Variants in MACROD2 observed in about 807,000 individuals in gnomAD.
MACROD2 encodes the protein ADP-ribose glycohydrolase MACROD2.
In MACROD2, 36 loss-of-function variants were observed where a neutral mutation model predicts 70.4. The observed-to-expected ratio is 0.51, with a 90% CI of 0.39 to 0.68. The LOEUF (loss-of-function observed/expected upper bound fraction) is 0.68, where lower values mean the gene tolerates loss of function less well. Among genes scored for constraint, MACROD2 ranks in the 30% least tolerant of loss-of-function variants. The pLI is 0.00. For missense variants in MACROD2, 496 were observed against 538.4 expected (o/e 0.92, Z 0.78); for synonymous variants, 172 against 178.8 (o/e 0.96, Z 0.30).
At chr20:14,438,966 A>C (rs141887144) in intron 3 of MACROD2, among the ~76,000 whole-genome samples, 3 of 152,184 alleles carry the variant, frequency 2.0e-5, no homozygotes, top group African/African-American at 7.2e-5. Flanking sequence ...CATAATACAC[A>C]AGAAATAATT....
intron 3 of MACROD2, among the ~76,000 whole-genome samples, chr20:14,193,710 G>A (rs565207889): frequency 1.3e-5 from 2 of 152,178 alleles, no homozygotes; most frequent in South Asian, 4.1e-4. Context: ...AAGCAGGGTG[G>A]GAAAGAGAAA....
At chr20:14,365,270 T>C (rs976901605) in intron 3 of MACROD2, among the ~76,000 whole-genome samples, 5 of 152,042 alleles carry the variant, frequency 3.3e-5, no homozygotes, top group African/African-American at 9.7e-5. Context: ...TTATTTATAG[T>C]ATTCTCTTAT....
chr20:14,455,428 A>G (rs2084290634), intron 3 of MACROD2, among the ~76,000 whole-genome samples: 2 of 151,912 alleles, frequency 1.3e-5, no homozygotes, highest in South Asian at 4.1e-4. Context: ...AAAGAAAGAA[A>G]TACTCTCATC....
chr20:14,756,791 A>G (rs547040629), intron 5 of MACROD2, among the ~76,000 whole-genome samples: 1 of 152,308 alleles, frequency 6.6e-6, no homozygotes, highest in East Asian at 1.9e-4. Context: ...ATCACCTTAA[A>G]TTGTAATAAT....
chr20:14,215,339 C>T (rs867880917), intron 3 of MACROD2, among the ~76,000 whole-genome samples: 28 of 107,530 alleles, frequency 2.6e-4, no homozygotes, highest in Admixed American at 1.2e-3. Context: ...ATCATATATA[C>T]ACACACACAC....
At chr20:14,362,466 A>G (rs1175225874) in intron 3 of MACROD2, among the ~76,000 whole-genome samples, 2 of 152,204 alleles carry the variant, frequency 1.3e-5, no homozygotes, top group African/African-American at 2.4e-5. Flanking sequence ...TGAGTTCAAG[A>G]GTTCCCTCAG....
At chr20:15,549,675 G>A (rs1018809291) in intron 8 of MACROD2, among the ~76,000 whole-genome samples, 11 of 152,054 alleles carry the variant, frequency 7.2e-5, no homozygotes, top group Admixed American at 6.6e-4. Context: ...GTCCTAAAAG[G>A]AGCTCACTTT....
chr20:14,482,386 G>T (rs1314460276), intron 3 of MACROD2, among the ~76,000 whole-genome samples: 3 of 151,734 alleles, frequency 2.0e-5, no homozygotes, highest in African/African-American at 7.3e-5. Context: ...GAGAAATACA[G>T]AAACAGGGAT....
chr20:14,550,182 C>T (rs1423012409), intron 4 of MACROD2, among the ~76,000 whole-genome samples: 5 of 152,050 alleles, frequency 3.3e-5, no homozygotes, highest in Non-Finnish European at 5.9e-5. Flanking sequence ...CTCGGCTTCC[C>T]AAAGTGTTGG....
Position 15,313,494 on chromosome 20 carries a change from G to A in MACROD2, c.540+83433G>A, listed in dbSNP as rs367640838. Reference sequence around the variant, plus strand: ...TGCACTCCAGCCTGGGCGACAGAGCGAGACTCCGTCTCAAAAAAAAAAAAA... The same window carrying A: ...TGCACTCCAGCCTGGGCGACAGAGCAAGACTCCGTCTCAAAAAAAAAAAAA... On this transcript the variant is annotated intron_variant, in intron 6 of 17. Transcript: ENST00000684519. Among the ~76,000 whole-genome samples the A allele has an allele frequency of 7.4e-5, 10 of 135,614 alleles. No homozygotes were observed. The East Asian group carries it at 8.8e-4, about 12-fold the overall frequency. 89.0% of individuals were successfully genotyped at this position (135,614 alleles called of 152,430 possible).
intron 5 of MACROD2, among the ~76,000 whole-genome samples, chr20:15,045,140 G>T (rs1389611025): frequency 1.3e-5 from 2 of 152,060 alleles, no homozygotes; most frequent in Non-Finnish European, 2.9e-5. Context: ...AAAAAGAAAA[G>T]AAAAGAAAAG....
chr20:14,074,083 C>G (rs1357387371), intron 2 of MACROD2, among the ~76,000 whole-genome samples: 1 of 152,122 alleles, frequency 6.6e-6, no homozygotes, highest in Non-Finnish European at 1.5e-5. Flanking sequence ...TATGATCATA[C>G]TGGCCTACCT....
At chr20:14,674,564 A>G (rs1490355567) in intron 4 of MACROD2, among the ~76,000 whole-genome samples, 1 of 152,202 alleles carries the variant, frequency 6.6e-6, no homozygotes, top group African/African-American at 2.4e-5. Context: ...AAATGGTGGC[A>G]CTAGGATTCA....
intron 4 of MACROD2, among the ~76,000 whole-genome samples, chr20:14,525,692 A>G (rs930615478): frequency 1.6e-4 from 24 of 152,384 alleles, no homozygotes; most frequent in East Asian, 5.8e-4. Flanking sequence ...AGAGAGAAGC[A>G]GTGCCCTAAT....
intron 15 of MACROD2, among the ~76,000 whole-genome samples, chr20:15,998,909 T>G (rs1335449063): frequency 1.3e-5 from 2 of 152,156 alleles, no homozygotes; most frequent in East Asian, 3.8e-4. Flanking sequence ...TAAATTTTGT[T>G]AATTTTTTTT....
intron 8 of MACROD2, among the ~76,000 whole-genome samples, chr20:15,614,872 T>A (rs1183213240): frequency 2.0e-5 from 3 of 152,216 alleles, no homozygotes; most frequent in East Asian, 1.9e-4. Context: ...GAAAAAAAAA[T>A]TCCTGCCAGA....
chr20:14,174,665 G>A (rs573178486), intron 3 of MACROD2, among the ~76,000 whole-genome samples: 6 of 152,246 alleles, frequency 3.9e-5, no homozygotes, highest in East Asian at 1.9e-4. Context: ...GTCTATACAC[G>A]TGATTTGCCC....
At chr20:15,021,075 T>G (rs1403097937) in intron 5 of MACROD2, among the ~76,000 whole-genome samples, 22 of 135,706 alleles carry the variant, frequency 1.6e-4, no homozygotes, top group Non-Finnish European at 3.7e-4. Flanking sequence ...TACACATGTG[T>G]GTATGTGTAT....
rs568184623 is a variant in MACROD2, at chr20:15,153,913, C to T, written c.419-76027C>T. On this transcript the variant is annotated intron_variant, in intron 5 of 17. Transcript: ENST00000684519. ...TCCAGAAGGATTTTTTATACTTTGA[C>T]AGAATGTTCAAAGGATGTCCTCTTA... Among the ~76,000 whole-genome samples, 7 of 152,244 alleles carry T rather than the reference C, an allele frequency of 4.6e-5. No homozygotes were observed. The East Asian group carries it at 1.4e-3, about 29-fold the overall frequency.
Sources: allele counts gnomAD v4.1 joint callset (sites outside exome capture counted in the v4.1 genomes callset), GRCh38; gene constraint gnomAD v4.1.1; transcripts MANE v1.5; gene names NCBI Gene and HGNC (gene_info 2026-07-23, HGNC 2026-07-21).